The following LRIT3 variants were observed in gnomAD, a reference collection of about 807,000 sequenced individuals.
LRIT3 encodes leucine rich repeat, Ig-like and transmembrane domains 3, also known as leucine-rich repeat, immunoglobulin-like domain and transmembrane domain-containing protein 3.
LRIT3 carries 14 observed loss-of-function variants against 22.6 expected under a neutral mutation model. The observed-to-expected ratio is 0.62, with a 90% CI of 0.41 to 0.97. The LOEUF (loss-of-function observed/expected upper bound fraction) is 0.97. Among genes scored for constraint, LRIT3 ranks in the 50% least tolerant of loss-of-function variants. The pLI is 0.00. For synonymous variants in LRIT3, 306 were observed against 304.5 expected, an observed-to-expected ratio of 1.01 and a Z score of -0.05; for missense variants, 783 against 803.0, an observed-to-expected ratio of 0.98 and a Z score of 0.30.
chr4:109,852,119 C>A, intron 2 of LRIT3, 143 bp downstream of exon 2: 1 of 753,450 alleles, frequency 1.3e-6, no homozygotes, highest in Non-Finnish European at 2.1e-6. Flanking sequence ...ATTAGTTAAC[C>A]TAGGTCAAGT....
intron 2 of LRIT3, among the ~76,000 whole-genome samples, chr4:109,858,123 A>G (rs555345194): frequency 1.3e-5 from 2 of 152,134 alleles, no homozygotes; most frequent in Non-Finnish European, 2.9e-5. Context: ...CATCTACAGA[A>G]CCAGGCATCC....
intron 2 of LRIT3, among the ~76,000 whole-genome samples, chr4:109,859,189 GT>G (rs780811075): frequency 1.3e-5 from 2 of 152,104 alleles, no homozygotes; most frequent in African/African-American, 2.4e-5. Flanking sequence ...ATCCAGGGGG[GT>G]CACCACCTTC....
chr4:109,867,873 G>A lies in LRIT3; in HGVS notation c.822G>A (p.Arg274=). 6.2e-7 allele frequency: 1 copy of A among 1,614,098 alleles called. No homozygotes were observed. Among genetic ancestry groups the A allele is most frequent in the Non-Finnish European group, 8.5e-7 (1 of 1,180,018 alleles). Residue 274 remains arginine (R), a synonymous_variant, in exon 3 of 4, where the codon CGG becomes CGA. Coordinates refer to ENST00000594814, the MANE Select transcript of LRIT3 (RefSeq NM_198506.5). ...CTCTGGGCAGTAATGTTCTACTGCG[G>A]TGTGATGCCACTGGCTTCCCCACCC... ...MSALGSNVLL[R]CDATGFPTPQ... is the part of the protein sequence containing the mutation.
Position 109,871,028 on chromosome 4 carries a change from A to C in LRIT3, c.*239A>C, listed in dbSNP as rs1734821959. On this transcript the variant is annotated 3_prime_UTR_variant, in exon 4 of 4. Coordinates refer to ENST00000594814, the MANE Select transcript of LRIT3 (RefSeq NM_198506.5). Reference sequence around the variant, plus strand: ...ATAATTTTTAGAGTGGTGCTTAATAAATTATTAATACTTTTTAGGGTAATG... The same window carrying C: ...ATAATTTTTAGAGTGGTGCTTAATACATTATTAATACTTTTTAGGGTAATG... The C allele has an allele frequency of 2.8e-6, 1 of 361,786 alleles. No individual in the cohort carries two copies. The highest frequency in any genetic ancestry group is 4.9e-6 in the Non-Finnish European group (1 of 204,094). 22.4% of individuals were successfully genotyped at this position (361,786 alleles called of 1,614,324 possible). A position where few individuals can be genotyped will look rare whatever the true frequency, so the allele number is the denominator to read the frequency against.
At chr4:109,848,558 A>G (rs1029420757) in intron 1 of LRIT3, among the ~76,000 whole-genome samples, 8 of 152,124 alleles carry the variant, frequency 5.3e-5, no homozygotes, top group African/African-American at 1.9e-4. Context: ...AACACATTCT[A>G]TGTTCCAAAA....
intron 1 of LRIT3, among the ~76,000 whole-genome samples, chr4:109,850,401 TCCTTCCTTC>T (rs1560588804): frequency 2.3e-3 from 5 of 2,180 alleles, no homozygotes; most frequent in South Asian, 0.036. Context: ...CTTCCTTCCT[TCCTTCCTTC>T]CTTCCTTCCT....
intron 2 of LRIT3, among the ~76,000 whole-genome samples, chr4:109,859,792 G>A (rs1310444804): frequency 6.6e-6 from 1 of 152,150 alleles, no homozygotes; most frequent in Non-Finnish European, 1.5e-5. Flanking sequence ...TCTCTGCAGG[G>A]GGAAGCACAT....
At chr4:109,859,991 C>G (rs964350347) in intron 2 of LRIT3, among the ~76,000 whole-genome samples, 1 of 152,186 alleles carries the variant, frequency 6.6e-6, no homozygotes, top group South Asian at 2.1e-4. Context: ...AAAACATCAA[C>G]TTAGTAAAAT....
chr4:109,850,466 T>TC (rs1734217389), intron 1 of LRIT3, among the ~76,000 whole-genome samples: 1 of 136,658 alleles, frequency 7.3e-6, no homozygotes, highest in African/African-American at 2.8e-5. Flanking sequence ...TTTCTTTCTT[T>TC]CTTTCTTTCT....
intron 3 of LRIT3, among the ~76,000 whole-genome samples, chr4:109,868,592 C>G (rs888725794): frequency 2.4e-4 from 35 of 143,430 alleles, no homozygotes; most frequent in Admixed American, 9.9e-4. Context: ...GGCTTTTGTA[C>G]AAGTCTCTCA....
At chr4:109,858,423 A>G (rs1376992895) in intron 2 of LRIT3, among the ~76,000 whole-genome samples, 1 of 151,770 alleles carries the variant, frequency 6.6e-6, no homozygotes, top group Non-Finnish European at 1.5e-5. Flanking sequence ...CTGCTGTGGC[A>G]TTTTTTCAGC....
chr4:109,868,051 T>G (rs1734729263), intron 3 of LRIT3, 105 bp downstream of exon 3: 1 of 1,205,814 alleles, frequency 8.3e-7, no homozygotes, highest in Admixed American at 2.4e-5. Flanking sequence ...TAATAAAATA[T>G]TTCAAGATTA....
intron 2 of LRIT3, among the ~76,000 whole-genome samples, chr4:109,852,337 C>G (rs962761083): frequency 9.9e-5 from 15 of 152,282 alleles, no homozygotes; most frequent in African/African-American, 3.6e-4. Flanking sequence ...CAAAGTTCTG[C>G]TCAGTTTGCT....
intron 1 of LRIT3, among the ~76,000 whole-genome samples, chr4:109,850,422 C>CCTTCCTTCTTT (rs66553123): frequency 0.012 from 660 of 55,076 alleles, 100 homozygotes; most frequent in East Asian, 0.022. Context: ...TTCCTTCCTT[C>CCTTCCTTCTTT]CTTTCTTTCT....
At chr4:109,860,858 C>T (rs769386306) in intron 2 of LRIT3, among the ~76,000 whole-genome samples, 6 of 152,316 alleles carry the variant, frequency 3.9e-5, no homozygotes, top group East Asian at 1.9e-4. Flanking sequence ...TCCATGCTGT[C>T]GCATGTATTG....
intron 2 of LRIT3, among the ~76,000 whole-genome samples, chr4:109,852,477 A>G (rs1012547985): frequency 2.0e-5 from 3 of 152,206 alleles, no homozygotes; most frequent in Non-Finnish European, 4.4e-5. Flanking sequence ...TGGTGGAAAC[A>G]CCAGTTATTT....
chr4:109,850,414 CCTTCCTTCCTTT>C (rs1734200037), intron 1 of LRIT3, among the ~76,000 whole-genome samples: 1 of 11,764 alleles, frequency 8.5e-5, no homozygotes, highest in Admixed American at 1.2e-3. Flanking sequence ...TTCCTTCCTT[CCTTCCTTCCTTT>C]CTTTCTTTCT....
At chr4:109,853,544 G>A (rs1734323284) in intron 2 of LRIT3, among the ~76,000 whole-genome samples, 1 of 152,146 alleles carries the variant, frequency 6.6e-6, no homozygotes, top group Non-Finnish European at 1.5e-5. Context: ...TAGGTTGTCT[G>A]TTCATCACTT....
chr4:109,850,362 C>A (rs1396000751), intron 1 of LRIT3, among the ~76,000 whole-genome samples: 1 of 262 alleles, frequency 3.8e-3, no homozygotes, highest in East Asian at 0.5. Flanking sequence ...TGTCTTCCTT[C>A]CTTCCTTCCT....
Sources: allele counts gnomAD v4.1 joint callset (sites outside exome capture counted in the v4.1 genomes callset), GRCh38; gene constraint gnomAD v4.1.1; transcripts MANE v1.5; gene names NCBI Gene and HGNC (gene_info 2026-07-23, HGNC 2026-07-21).